Variants in MON1B observed in about 807,000 individuals in gnomAD.
The protein encoded by MON1B is vacuolar fusion protein MON1 homolog B.
Under a neutral mutation model 45.1 loss-of-function variants are expected in MON1B, and 26 were observed. That is an observed-to-expected ratio of 0.58 (90% confidence interval 0.42 to 0.80). The LOEUF (loss-of-function observed/expected upper bound fraction) is 0.80. MON1B is among the 30% of genes least tolerant of loss of function. The pLI is 0.00. For synonymous variants in MON1B, 395 were observed against 320.2 expected, an observed-to-expected ratio of 1.23 and a Z score of -2.49; for missense variants, 737 against 754.5, an observed-to-expected ratio of 0.98 and a Z score of 0.27.
rs2054749064 is a variant in MON1B, at chr16:77,202,053, CT to C, written c.*3746del. ...AGAGGCATTTTTGTGATTTATTGTT[CT>C]ATTTTTTCTTCTAGAAAAATGTAAG... On this transcript the variant is annotated 3_prime_UTR_variant, in exon 6 of 6. Transcript: ENST00000248248. The C allele has an allele frequency of 6.6e-6, 1 of 152,004 alleles. No homozygotes were observed. Among genetic ancestry groups the C allele is most frequent in the Non-Finnish European group, 1.5e-5 (1 of 67,994 alleles). 9.4% of individuals were successfully genotyped at this position (152,004 alleles called of 1,614,324 possible).
intron 2 of MON1B, among the ~76,000 whole-genome samples, chr16:77,192,582 G>A (rs1452788239): frequency 6.6e-6 from 1 of 152,086 alleles, no homozygotes; most frequent in Non-Finnish European, 1.5e-5. Context: ...TGGATATTAT[G>A]ATGGTTACTG....
chr16:77,194,583 G>A lies in MON1B; in HGVS notation c.724G>A (p.Ala242Thr), dbSNP rs1407687860. 1.9e-6 allele frequency: 3 copies of A among 1,613,920 alleles called. No individual in the cohort carries two copies. Among genetic ancestry groups the A allele is most frequent in the African/African-American group, 1.3e-5 (1 of 75,054 alleles). ...LLDSMEQDPG[A>T]LLLGAVRCVP... is the part of the protein sequence containing the mutation. The stretch of plus-strand genomic sequence containing the variant: ...GGACAGTATGGAGCAGGACCCAGGA[G>A]CCCTGCTCCTGGGTGCCGTGCGCTG... The change falls in exon 4 of 6, where the codon GCC becomes ACC. Residue 242 changes from alanine (A) to threonine (T), a missense_variant. By Grantham distance (58) the Ala-to-Thr change is moderately conservative (BLOSUM62 0). Transcript: ENST00000248248. This position sits in a 1 kb window ranked among gnomAD's most constrained non-coding sequence, Gnocchi z 8.1.
At position 77,200,543 on chromosome 16, in the gene MON1B, G is replaced by T. The variant is rs1443098626; in HGVS notation, c.*2235G>T. The T allele has an allele frequency of 6.6e-6, 1 of 151,364 alleles. No homozygotes were observed. Among genetic ancestry groups the T allele is most frequent in the East Asian group, 1.9e-4 (1 of 5,160 alleles). The allele number at this position is 151,364 out of a possible 1,614,324, so 9.4% of individuals were successfully genotyped here. The stretch of plus-strand genomic sequence containing the variant: ...GGCCGAGGCGGGTGGGTCACCTGAG[G>T]TCAGGAGTTTGAGACCAGCCTGGCC... On this transcript the variant is annotated 3_prime_UTR_variant, in exon 6 of 6. Transcript: ENST00000248248.
rs1307995061 is a variant in MON1B at position 77,201,806 on chromosome 16, T to C, written c.*3498T>C. 6.6e-6 allele frequency: 1 copy of C among 152,128 alleles called. No individual in the cohort carries two copies. The highest frequency in any genetic ancestry group is 1.5e-5 in the Non-Finnish European group (1 of 68,014). The allele number at this position is 152,128 out of a possible 1,614,324, so 9.4% of individuals were successfully genotyped here. On this transcript the variant is annotated 3_prime_UTR_variant, in exon 6 of 6. Coordinates refer to ENST00000248248, the MANE Select transcript of MON1B (RefSeq NM_014940.4). ...ATGTATTAAATTATAAGTTCTAATT[T>C]AAATGTATTAAAATTAAATTATAAG...
rs1267389451 is a variant in MON1B at position 77,201,196 on chromosome 16, GA to G, written c.*2889del. On this transcript the variant is annotated 3_prime_UTR_variant, in exon 6 of 6. Coordinates refer to ENST00000248248, the MANE Select transcript of MON1B (RefSeq NM_014940.4). ...GACCAATGAAATAACTTCAAGAGCAGAGAGCTCTTTTAGATTAGAGGCACAT... is the reference window on the plus strand; with the variant it reads ...GACCAATGAAATAACTTCAAGAGCAGGAGCTCTTTTAGATTAGAGGCACAT... 1.3e-5 allele frequency: 2 copies of G among 152,190 alleles called. No homozygotes were observed. The highest frequency in any genetic ancestry group is 2.9e-5 in the Non-Finnish European group (2 of 68,044). The allele number at this position is 152,190 out of a possible 1,614,324, so 9.4% of individuals were successfully genotyped here. A position where few individuals can be genotyped will look rare whatever the true frequency, so the allele number is the denominator to read the frequency against.
chr16:77,197,794 A>G (rs2054681287), intron 5 of MON1B, among the ~76,000 whole-genome samples: 1 of 152,182 alleles, frequency 6.6e-6, no homozygotes, highest in African/African-American at 2.4e-5. Context: ...TTAGAGCAGG[A>G]CCTTGTACAC....
chr16:77,194,004 C>T lies in MON1B; in HGVS notation c.475+227C>T. On this transcript the variant is annotated intron_variant, in intron 3 of 5. Coordinates refer to ENST00000248248, the MANE Select transcript of MON1B (RefSeq NM_014940.4). The surrounding 1 kb of genome is among the most constrained non-coding windows in gnomAD (Gnocchi z 8.1). ...TGGGATCTCAGTGACTAGCTGGATA[C>T]TTCTGTGTCACCTGAGAGGATAACT... The T allele has an allele frequency of 1.7e-6, 1 of 604,094 alleles. No homozygotes were observed. Among genetic ancestry groups the T allele is most frequent in the South Asian group, 2.0e-5 (1 of 50,102 alleles). The allele number at this position is 604,094 out of a possible 1,614,324, so 37.4% of individuals were successfully genotyped here. A position where few individuals can be genotyped will look rare whatever the true frequency, so the allele number is the denominator to read the frequency against.
chr16:77,200,244 ATATG>A lies in MON1B; in HGVS notation c.*1940_*1943del, dbSNP rs2054718990. 4 of 124,490 alleles carry A rather than the reference ATATG, an allele frequency of 3.2e-5. No individual in the cohort carries two copies. Among genetic ancestry groups the A allele is most frequent in the African/African-American group, 6.0e-5 (2 of 33,554 alleles). 7.7% of individuals were successfully genotyped at this position (124,490 alleles called of 1,614,324 possible). On this transcript the variant is annotated 3_prime_UTR_variant, in exon 6 of 6. Transcript: ENST00000248248. ...TATGTATGTGTGTGTATATATATAT[ATATG>A]TATATGTGTATATATATATATATGT...
At position 77,200,865 on chromosome 16, in the gene MON1B, A is replaced by C. The variant is rs1025342816; in HGVS notation, c.*2557A>C. 1.3e-5 allele frequency: 2 copies of C among 152,200 alleles called. No individual in the cohort carries two copies. Among genetic ancestry groups the C allele is most frequent in the Non-Finnish European group, 2.9e-5 (2 of 68,056 alleles). The allele number at this position is 152,200 out of a possible 1,614,324, so 9.4% of individuals were successfully genotyped here. ...ATATTCAAAGTGTACCAACGTAGAG[A>C]AAATAGCTTTAAACAAAGCCCATGT... On this transcript the variant is annotated 3_prime_UTR_variant, in exon 6 of 6. Transcript: ENST00000248248.
At chr16:77,195,423 G>T in intron 4 of MON1B, 112 bp from the exon 5 acceptor site, 6 of 1,338,952 alleles carry the variant, frequency 4.5e-6, no homozygotes, top group Non-Finnish European at 6.0e-6. Context: ...CAAGTCTCAT[G>T]GGAGAGGCTC....
At position 77,193,665 on chromosome 16, in the gene MON1B, C is replaced by G; in HGVS notation, c.363C>G (p.Pro121=). ...HVFVLSEAGK[P]IYSRYGSVEA... Reference sequence around the variant, plus strand: ...TTGTGCTGAGTGAGGCTGGCAAGCCCATCTACTCGCGGTATGGTAGTGTGG... The same window carrying G: ...TTGTGCTGAGTGAGGCTGGCAAGCCGATCTACTCGCGGTATGGTAGTGTGG... Residue 121 remains proline (P), a synonymous_variant, in exon 3 of 6, where the codon CCC becomes CCG. Transcript: ENST00000248248. This position sits in a 1 kb window ranked among gnomAD's most constrained non-coding sequence, Gnocchi z 5.0. 3 of 1,614,104 alleles carry G rather than the reference C, an allele frequency of 1.9e-6. No individual in the cohort carries two copies. Among genetic ancestry groups the G allele is most frequent in the Non-Finnish European group, 2.5e-6 (3 of 1,179,984 alleles).
intron 2 of MON1B, among the ~76,000 whole-genome samples, chr16:77,192,762 A>T (rs1400324594): frequency 6.6e-6 from 1 of 152,042 alleles, no homozygotes; most frequent in Non-Finnish European, 1.5e-5. Flanking sequence ...AGGGTCATTG[A>T]AAAACCAGGT....
chr16:77,195,783 G>A, intron 5 of MON1B, 101 bp downstream of exon 5: 1 of 1,445,914 alleles, frequency 6.9e-7, no homozygotes, highest in East Asian at 2.4e-5. Flanking sequence ...AAACACAGCA[G>A]GCCTCTGGCT....
Position 77,194,829 on chromosome 16 carries a change from C to T in MON1B, c.970C>T (p.Pro324Ser), listed in dbSNP as rs2142499170. ...PAFAAGEAWAPVCLPRFNPDG... is the reference protein window; with the variant it reads ...PAFAAGEAWASVCLPRFNPDG... Reference sequence around the variant, plus strand: ...CTTTGCGGCGGGTGAGGCTTGGGCACCTGTGTGCCTGCCCCGCTTCAACCC... The same window carrying T: ...CTTTGCGGCGGGTGAGGCTTGGGCATCTGTGTGCCTGCCCCGCTTCAACCC... Residue 324 changes from proline to serine, a missense_variant, in exon 4 of 6, where the codon CCT becomes TCT. Coordinates refer to ENST00000248248, the MANE Select transcript of MON1B (RefSeq NM_014940.4). The surrounding 1 kb of genome is among the most constrained non-coding windows in gnomAD (Gnocchi z 8.1). 6.2e-7 allele frequency: 1 copy of T among 1,610,712 alleles called. No individual in the cohort carries two copies. The highest frequency in any genetic ancestry group is 8.5e-7 in the Non-Finnish European group (1 of 1,180,000).
In MON1B at chr16:77,200,230, GTGTA is replaced by G. The variant is rs2054717995; in HGVS notation, c.*1924_*1927del. On this transcript the variant is annotated 3_prime_UTR_variant, in exon 6 of 6. Transcript: ENST00000248248. ...TATTTATATGTATGTATGTATGTGTGTGTATATATATATATATGTATATGTGTAT... is the reference window on the plus strand; with the variant it reads ...TATTTATATGTATGTATGTATGTGTGTATATATATATATGTATATGTGTAT... 7.5e-6 allele frequency: 1 copy of G among 134,090 alleles called. No homozygotes were observed. Among genetic ancestry groups the G allele is most frequent in the African/African-American group, 2.9e-5 (1 of 34,246 alleles). The allele number at this position is 134,090 out of a possible 1,614,324, so 8.3% of individuals were successfully genotyped here. A position where few individuals can be genotyped will look rare whatever the true frequency, so the allele number is the denominator to read the frequency against.
In MON1B at chr16:77,195,035, C is replaced by A; in HGVS notation, c.1176C>A (p.Ala392=). The A allele has an allele frequency of 6.2e-7, 1 of 1,612,148 alleles. No individual in the cohort carries two copies. The highest frequency in any genetic ancestry group is 8.5e-7 in the Non-Finnish European group (1 of 1,179,962). The change falls in exon 4 of 6, where the codon GCC becomes GCA. Residue 392 remains alanine (A), a synonymous_variant. Coordinates refer to ENST00000248248, the MANE Select transcript of MON1B (RefSeq NM_014940.4). ...ALGEAASFSN[A]SSASAPAYSV... ...GGGAGGCTGCCAGCTTCTCTAATGC[C>A]TCATCAGCCAGTGCTCCTGCCTACA... is the stretch of plus-strand genomic sequence containing the variant.
chr16:77,191,347 G>T, intron 1 of MON1B, 89 bp downstream of exon 1: 1 of 1,560,856 alleles, frequency 6.4e-7, no homozygotes, highest in South Asian at 1.2e-5. Context: ...GCATGATTTT[G>T]GATGTCTCGT....
chr16:77,194,647 C>A lies in MON1B; in HGVS notation c.788C>A (p.Ala263Glu). The A allele has an allele frequency of 6.2e-7, 1 of 1,613,802 alleles. No homozygotes were observed. Among genetic ancestry groups the A allele is most frequent in the Middle Eastern group, 1.6e-4 (1 of 6,062 alleles). ...CGCCCGCTGCGAGACGCACTAGGTG[C>A]GCTCCTCCGACGTTGCACAGCGCCT... ...LARPLRDALG[A>E]LLRRCTAPGL... is the part of the protein sequence containing the mutation. Residue 263 changes from alanine (A) to glutamate (E), a missense_variant, in exon 4 of 6, where the codon GCG becomes GAG. Transcript: ENST00000248248. This position sits in a 1 kb window ranked among gnomAD's most constrained non-coding sequence, Gnocchi z 8.1.
chr16:77,198,384 T>A lies in MON1B; in HGVS notation c.*76T>A. 3 of 1,455,630 alleles carry A rather than the reference T, an allele frequency of 2.1e-6. No individual in the cohort carries two copies. The highest frequency in any genetic ancestry group is 2.9e-6 in the Non-Finnish European group (3 of 1,044,814). The allele number at this position is 1,455,630 out of a possible 1,614,324, so 90.2% of individuals were successfully genotyped here. On this transcript the variant is annotated 3_prime_UTR_variant, in exon 6 of 6. Coordinates refer to ENST00000248248, the MANE Select transcript of MON1B (RefSeq NM_014940.4). ...TTACCTTCTGTCTACCCTGGAAATG[T>A]GTGTGGGGGTGTGTCTGTGGCCAGT...
Sources: allele counts gnomAD v4.1 joint callset (sites outside exome capture counted in the v4.1 genomes callset), GRCh38; gene constraint gnomAD v4.1.1; non-coding constraint Gnocchi (gnomAD v3.1); transcripts MANE v1.5; gene names NCBI Gene and HGNC (gene_info 2026-07-23, HGNC 2026-07-21).